The following SIDT1 variants were observed in gnomAD, a reference collection of about 807,000 sequenced individuals.
SIDT1 encodes SID1 transmembrane family, member 1.
Under a neutral mutation model 107.5 loss-of-function variants are expected in SIDT1, and 101 were observed. The observed-to-expected ratio is 0.94, with a 90% CI of 0.80 to 1.11. The LOEUF (loss-of-function observed/expected upper bound fraction) is 1.11, where lower values mean the gene tolerates loss of function less well. Among genes scored for constraint, SIDT1 ranks in the 50% least tolerant of loss-of-function variants. The pLI, the probability that SIDT1 is intolerant of heterozygous loss-of-function variation, is 0.00. For missense variants in SIDT1, 1,076 were observed against 1,058.2 expected (o/e 1.02, Z -0.23); for synonymous variants, 395 against 398.2 (o/e 0.99, Z 0.10).
chr3:113,533,677 C>G (rs889640669), intron 1 of SIDT1, among the ~76,000 whole-genome samples: 3 of 152,172 alleles, frequency 2.0e-5, no homozygotes, highest in African/African-American at 7.2e-5. Context: ...TTTCATAGCG[C>G]ATGGGGAGGG....
chr3:113,605,398 T>G (rs1945257070), intron 14 of SIDT1, among the ~76,000 whole-genome samples: 1 of 152,100 alleles, frequency 6.6e-6, no homozygotes, highest in African/African-American at 2.4e-5. Context: ...AGTACTGGGA[T>G]TACAGGCATG....
At chr3:113,606,457 T>A (rs28645947) in intron 14 of SIDT1, 47,057 of 152,208 alleles carry the variant, frequency 0.31, 7,406 homozygotes, top group Middle Eastern at 0.38. Flanking sequence ...ATACTTATTA[T>A]GCAGTGAGAA....
intron 1 of SIDT1, among the ~76,000 whole-genome samples, chr3:113,540,121 G>GGTGAGAT (rs1336964051): frequency 1.2e-4 from 18 of 152,172 alleles, no homozygotes; most frequent in Middle Eastern, 3.2e-3. Context: ...GAGCCAACCT[G>GGTGAGAT]CACAGAGATC....
chr3:113,538,922 CT>C (rs1301544306), intron 1 of SIDT1, among the ~76,000 whole-genome samples: 2 of 151,956 alleles, frequency 1.3e-5, no homozygotes, highest in South Asian at 2.1e-4. Context: ...CTGATTGTGT[CT>C]TTTTTTTATG....
chr3:113,634,705 G>A, the SIDT1 span, among the ~76,000 whole-genome samples: 1 of 152,148 alleles, frequency 6.6e-6, no homozygotes, highest in Non-Finnish European at 1.5e-5. Context: ...TAGGGAGGCT[G>A]AGGCAGGAGA....
At chr3:113,626,430 G>T (rs560961018) in intron 24 of SIDT1, among the ~76,000 whole-genome samples, 1 of 151,684 alleles carries the variant, frequency 6.6e-6, no homozygotes, top group East Asian at 1.9e-4. Flanking sequence ...AATATCTTTA[G>T]ACACAGAGGG....
At chr3:113,615,273 C>T (rs906322680) in intron 19 of SIDT1, among the ~76,000 whole-genome samples, 1 of 152,190 alleles carries the variant, frequency 6.6e-6, no homozygotes, top group African/African-American at 2.4e-5. Context: ...TCTGGGATGC[C>T]ACAGAGACAG....
chr3:113,559,192 G>C (rs1245394018), intron 1 of SIDT1, among the ~76,000 whole-genome samples: 1 of 152,132 alleles, frequency 6.6e-6, no homozygotes, highest in Non-Finnish European at 1.5e-5. Context: ...GAATTTTCTT[G>C]TGCCTAAACT....
chr3:113,576,353 G>A (rs192800413), intron 3 of SIDT1, among the ~76,000 whole-genome samples: 1 of 152,154 alleles, frequency 6.6e-6, no homozygotes, highest in African/African-American at 2.4e-5. Context: ...ACTAAATCTT[G>A]GGGAATTTCA....
rs1028849512 is a variant in SIDT1 at position 113,626,180 on chromosome 3, T to A, written c.2386T>A (p.Phe796Ile). Residue 796 changes from phenylalanine to isoleucine, a missense_variant, in exon 24 of 25, where the codon TTC (phenylalanine) becomes ATC (isoleucine). By Grantham distance (21) the Phe-to-Ile change is conservative (BLOSUM62 0). Transcript: ENST00000264852. ...DFFDDHDIWHFLSATALFFSF... is the reference protein window; with the variant it reads ...DFFDDHDIWHILSATALFFSF... ...CTTCGATGACCATGACATCTGGCAC[T>A]TCCTCTCTGCTACTGCTCTGTTTTT... 6 of 1,613,846 alleles carry A rather than the reference T, an allele frequency of 3.7e-6. No individual in the cohort carries two copies. The African/African-American group carries it at 8.0e-5, about 22-fold the overall frequency.
At chr3:113,635,932 A>G in the SIDT1 span, among the ~76,000 whole-genome samples, 2 of 152,152 alleles carry the variant, frequency 1.3e-5, no homozygotes, top group East Asian at 1.9e-4. Context: ...AACTACCTGC[A>G]CTGAACTGGA....
At chr3:113,569,588 C>T (rs1942259258) in intron 3 of SIDT1, among the ~76,000 whole-genome samples, 2 of 152,108 alleles carry the variant, frequency 1.3e-5, no homozygotes, top group Non-Finnish European at 2.9e-5. Flanking sequence ...CATACGGAAA[C>T]GTGGACAGAT....
chr3:113,633,924 G>A (rs1433022746), downstream of SIDT1, among the ~76,000 whole-genome samples: 1 of 152,184 alleles, frequency 6.6e-6, no homozygotes. Context: ...AAAATATCAT[G>A]TTGGGACTAA....
chr3:113,608,448 C>A lies in SIDT1; in HGVS notation c.1632C>A (p.Leu544=). ...ACGGGATTCCCAAACACTTTGGTCTCTTCTACGCTATGGGCATTGCATTGA... is the reference window on the plus strand; with the variant it reads ...ACGGGATTCCCAAACACTTTGGTCTATTCTACGCTATGGGCATTGCATTGA... ...VEYGIPKHFG[L]FYAMGIALMM... is the part of the protein sequence containing the mutation. Residue 544 remains leucine (L), a synonymous_variant, in exon 17 of 25, where the codon CTC becomes CTA. Coordinates refer to ENST00000264852, the MANE Select transcript of SIDT1 (RefSeq NM_017699.3). 2 of 1,614,030 alleles carry A rather than the reference C, an allele frequency of 1.2e-6. No homozygotes were observed. The highest frequency in any genetic ancestry group is 1.7e-6 in the Non-Finnish European group (2 of 1,179,872).
chr3:113,605,494 C>T (rs1207098221), intron 14 of SIDT1, among the ~76,000 whole-genome samples: 2 of 152,172 alleles, frequency 1.3e-5, no homozygotes, highest in African/African-American at 4.8e-5. Flanking sequence ...GAGCTGCAAT[C>T]TCTTGTATTA....
intron 13 of SIDT1, among the ~76,000 whole-genome samples, chr3:113,604,554 A>G (rs1576927727): frequency 6.6e-6 from 1 of 152,376 alleles, no homozygotes; most frequent in South Asian, 2.1e-4. Flanking sequence ...TGGTTGTAAG[A>G]AAAGAAAGAA....
intron 14 of SIDT1, among the ~76,000 whole-genome samples, chr3:113,605,647 G>A (rs1363753901): frequency 6.6e-6 from 1 of 152,136 alleles, no homozygotes; most frequent in Non-Finnish European, 1.5e-5. Context: ...TAAAACAAAG[G>A]AACCTGATAG....
chr3:113,633,040 G>A (rs1319351562), downstream of SIDT1: 3 of 152,154 alleles, frequency 2.0e-5, no homozygotes, highest in Non-Finnish European at 4.4e-5. Context: ...AAAAATCCAA[G>A]TAATTGTCAG....
At chr3:113,627,505 AAGGATTGCAG>A (rs1946935428) in intron 24 of SIDT1, 131 bp from the exon 25 acceptor site, 1 of 678,848 alleles carries the variant, frequency 1.5e-6, no homozygotes, top group Non-Finnish European at 2.6e-6. Context: ...ATTAAGAGCA[AAGGATTGCAG>A]AGAGCTGCAG....
Sources: gnomAD v4.1 joint callset for allele counts (sites outside exome capture counted in the v4.1 genomes callset) on GRCh38, gnomAD v4.1.1 for gene constraint, MANE v1.5 for transcripts, NCBI Gene and HGNC (gene_info 2026-07-23, HGNC 2026-07-21) for gene names.